LOC400499: variants seen among roughly 807,000 people sequenced by gnomAD.
the LOC400499 span, chr16:11,384,994 TGTC>T: frequency 5.7e-6 from 7 of 1,232,212 alleles, no homozygotes; most frequent in Admixed American, 8.4e-5. Context: ...CGTCCTTCCT[TGTC>T]GTGGCAGGAT....
the LOC400499 span, among the ~76,000 whole-genome samples, chr16:11,414,012 C>A: frequency 1.3e-5 from 2 of 152,100 alleles, no homozygotes; most frequent in African/African-American, 2.4e-5. Context: ...CGCCCATAAA[C>A]CCTTTGAAGG....
the LOC400499 span, chr16:11,473,176 G>C: frequency 7.9e-5 from 12 of 151,260 alleles, no homozygotes; most frequent in African/African-American, 2.9e-4. Context: ...AAATTAGAAA[G>C]AAAATCAGAA....
the LOC400499 span, chr16:11,424,015 A>C: frequency 1.3e-5 from 5 of 398,648 alleles, no homozygotes; most frequent in Non-Finnish European, 2.2e-5. Context: ...CCGCCAGACT[A>C]CGTCCCACAC....
chr16:11,423,236 G>C, the LOC400499 span: 10 of 399,128 alleles, frequency 2.5e-5, no homozygotes, highest in African/African-American at 8.2e-5. Flanking sequence ...GGGTGGGCGA[G>C]GCGTCTCCAC....
At chr16:11,488,881 G>A in the LOC400499 span, 6,224 of 398,854 alleles carry the variant, frequency 0.016, 76 homozygotes, top group Middle Eastern at 0.026. Flanking sequence ...GAATAGAGTC[G>A]TGGGCAGCAG....
At chr16:11,435,725 T>C in the LOC400499 span, 1 of 399,224 alleles carries the variant, frequency 2.5e-6, no homozygotes. Flanking sequence ...GAGGACAGCC[T>C]GGTGGAGAAG....
chr16:11,417,501 T>C, the LOC400499 span: 1 of 397,850 alleles, frequency 2.5e-6, no homozygotes, highest in African/African-American at 2.1e-5. Context: ...GCTGTCTTGG[T>C]TGTCCTGGAG....
At chr16:11,403,231 C>T in the LOC400499 span, among the ~76,000 whole-genome samples, 1 of 152,202 alleles carries the variant, frequency 6.6e-6, no homozygotes, top group African/African-American at 2.4e-5. Context: ...CTGCAGGAGC[C>T]GTGCCCAGAG....
chr16:11,463,259 C>G, the LOC400499 span, among the ~76,000 whole-genome samples: 3 of 67,398 alleles, frequency 4.5e-5, no homozygotes, highest in African/African-American at 1.7e-4. Context: ...TCCCCACCCC[C>G]ACGCCCCCCT....
the LOC400499 span, among the ~76,000 whole-genome samples, chr16:11,378,256 T>C: frequency 7.6e-6 from 1 of 131,936 alleles, no homozygotes. Context: ...TTTTTCTTTT[T>C]TTTTTTTTTT....
the LOC400499 span, chr16:11,459,775 G>C: frequency 9.7e-7 from 1 of 1,035,114 alleles, no homozygotes. Context: ...AGTCACCAAG[G>C]CTAAGTTTCA....
At chr16:11,403,926 C>T in the LOC400499 span, among the ~76,000 whole-genome samples, 2 of 152,230 alleles carry the variant, frequency 1.3e-5, no homozygotes, top group African/African-American at 4.8e-5. Flanking sequence ...TCTCTATGAG[C>T]TGAGACGCTG....
chr16:11,388,634 G>T, the LOC400499 span, among the ~76,000 whole-genome samples: 1 of 152,274 alleles, frequency 6.6e-6, no homozygotes, highest in Admixed American at 6.5e-5. Flanking sequence ...CTCAACACAG[G>T]GGCCAAAAGG....
the LOC400499 span, among the ~76,000 whole-genome samples, chr16:11,437,960 G>A: frequency 4.6e-5 from 7 of 151,866 alleles, no homozygotes; most frequent in African/African-American, 7.3e-5. Flanking sequence ...CGATGAGTTC[G>A]GGGGATCGAT....
At chr16:11,377,155 CT>C in the LOC400499 span, among the ~76,000 whole-genome samples, 1 of 152,164 alleles carries the variant, frequency 6.6e-6, no homozygotes, top group South Asian at 2.1e-4. Context: ...GGATTCTTGA[CT>C]GTTAGCATGT....
the LOC400499 span, among the ~76,000 whole-genome samples, chr16:11,507,472 T>A: frequency 7.9e-5 from 12 of 152,202 alleles, no homozygotes; most frequent in African/African-American, 2.9e-4. Context: ...CTCTATCACT[T>A]GCTAGCAGTG....
chr16:11,386,035 CA>C, the LOC400499 span, among the ~76,000 whole-genome samples: 5 of 150,908 alleles, frequency 3.3e-5, no homozygotes, highest in African/African-American at 4.9e-5. Flanking sequence ...GACCTAGTCT[CA>C]AAAAAAAATG....
At chr16:11,490,961 A>T in the LOC400499 span, among the ~76,000 whole-genome samples, 2 of 152,208 alleles carry the variant, frequency 1.3e-5, no homozygotes, top group Non-Finnish European at 2.9e-5. Flanking sequence ...ATTAATAATA[A>T]TAGCAGTAGT....
At chr16:11,478,670 C>T in the LOC400499 span, 1 of 399,240 alleles carries the variant, frequency 2.5e-6, no homozygotes, top group East Asian at 3.6e-5. Context: ...TGCCGGGCCC[C>T]ACGCCTCCGG....
Sources: gnomAD v4.1 joint callset for allele counts (sites outside exome capture counted in the v4.1 genomes callset) on GRCh38, gnomAD v4.1.1 for gene constraint, MANE v1.5 for transcripts.